The following ZFX variants were observed in gnomAD, a reference collection of about 807,000 sequenced individuals.
The protein encoded by ZFX is zinc finger X-chromosomal protein.
For missense variants in ZFX, 362 were observed against 628.3 expected, an observed-to-expected ratio of 0.58 and a Z score of 4.53; for synonymous variants, 196 against 226.8, an observed-to-expected ratio of 0.86 and a Z score of 1.22.
chrX:24,188,940 C>A (rs1007363926), intron 5 of ZFX, among the ~76,000 whole-genome samples: 33 of 111,210 alleles, frequency 3.0e-4, no homozygotes, highest in Admixed American at 2.1e-3. Context: ...TGGGTTCAAG[C>A]GATTCTACTG....
In ZFX at chrX:24,207,487, T is replaced by G; in HGVS notation, c.796+12T>G. 8.3e-7 allele frequency: 1 copy of G among 1,201,674 alleles called. No individual in the cohort carries two copies. The highest frequency in any genetic ancestry group is 1.1e-6 in the Non-Finnish European group (1 of 892,022). ...AGAAGATGACTTAGGTAAGAAGAAG[T>G]GTTTAGACATTATACATCCTCATCC... is the stretch of plus-strand genomic sequence containing the variant. On this transcript the variant is annotated intron_variant, in intron 6 of 9. Transcript: ENST00000304543.
At chrX:24,177,867 G>A (rs895090748) in intron 4 of ZFX, 2 of 750,033 alleles carry the variant, frequency 2.7e-6, no homozygotes, top group Non-Finnish European at 1.6e-6. Flanking sequence ...GAGCAAAAAG[G>A]TAAAACACAT....
chrX:24,191,118 T>C (rs1936496879), intron 5 of ZFX, among the ~76,000 whole-genome samples: 1 of 111,953 alleles, frequency 8.9e-6, no homozygotes, highest in Non-Finnish European at 1.9e-5. Flanking sequence ...TCCTTTTTTT[T>C]CCTCCTGAAT....
rs1208600696 is a variant in ZFX, at chrX:24,179,506, T to A, written c.382T>A (p.Ser128Thr). The A allele has an allele frequency of 8.3e-7, 1 of 1,211,117 alleles. No individual in the cohort carries two copies. Among genetic ancestry groups the A allele is most frequent in the African/African-American group, 1.7e-5 (1 of 57,478 alleles). Residue 128 changes from serine to threonine, a missense_variant, in exon 5 of 10, where the codon TCT (serine) becomes ACT (threonine). By Grantham distance (58) the Ser-to-Thr change is moderately conservative. Transcript: ENST00000304543. ...TTCTGACATTACTTCAGCCTCAATG[T>A]CTATGCCAGAACACGTCTTGACGGG... ...LASDITSASM[S>T]MPEHVLTGDS...
intron 5 of ZFX, among the ~76,000 whole-genome samples, chrX:24,186,776 C>T (rs1936151015): frequency 9.0e-6 from 1 of 111,691 alleles, no homozygotes; most frequent in African/African-American, 3.3e-5. Flanking sequence ...TGACTGCCTT[C>T]TTCAGTCTTT....
At chrX:24,171,667 T>C (rs1408361567) in intron 3 of ZFX, among the ~76,000 whole-genome samples, 1 of 111,408 alleles carries the variant, frequency 9.0e-6, no homozygotes, top group African/African-American at 3.3e-5. Context: ...TAGAGTTCTT[T>C]TTGTCAGAAG....
chrX:24,174,575 T>C (rs756974389), intron 4 of ZFX, among the ~76,000 whole-genome samples: 88 of 108,931 alleles, frequency 8.1e-4, no homozygotes, highest in Non-Finnish European at 1.4e-3. Context: ...TTTGTATTTT[T>C]AGTAGAACGG....
At chrX:24,174,253 A>G (rs894251288) in intron 4 of ZFX, among the ~76,000 whole-genome samples, 2 of 111,163 alleles carry the variant, frequency 1.8e-5, no homozygotes, top group African/African-American at 3.3e-5. Context: ...AAAGGGTTTT[A>G]TATCACACCA....
intron 3 of ZFX, among the ~76,000 whole-genome samples, chrX:24,160,479 A>C (rs759304881): frequency 4.5e-5 from 5 of 109,892 alleles, no homozygotes; most frequent in African/African-American, 6.6e-5. Flanking sequence ...TTGTATTTTT[A>C]GTAGAGACGG....
At position 24,176,620 on chromosome X, in the gene ZFX, C is replaced by T. The variant is rs1935169518; in HGVS notation, c.59-2563C>T. On this transcript the variant is annotated intron_variant, in intron 4 of 9. Transcript: ENST00000304543. ...TTAATTTTTATATTTTTAGTAGAGA[C>T]GGGGTTTCACAATGTTGGCCAGGCT... 1.1e-4 allele frequency among the ~76,000 whole-genome samples: 12 copies of T among 106,101 alleles called. No individual in the cohort carries two copies. In the South Asian group the frequency reaches 4.2e-3, roughly 37 times the overall value. The allele number at this position is 106,101 out of a possible 115,157, so 92.1% of individuals were successfully genotyped here. A position where few individuals can be genotyped will look rare whatever the true frequency, so the allele number is the denominator to read the frequency against.
intron 5 of ZFX, among the ~76,000 whole-genome samples, chrX:24,194,410 T>TG (rs1434614723): frequency 1.8e-5 from 2 of 111,110 alleles, no homozygotes; most frequent in Non-Finnish European, 3.8e-5. Flanking sequence ...CATGTCCATG[T>TG]GGGTTTCCTC....
At chrX:24,198,162 T>G (rs1430544800) in intron 5 of ZFX, among the ~76,000 whole-genome samples, 1 of 112,281 alleles carries the variant, frequency 8.9e-6, no homozygotes, top group Non-Finnish European at 1.9e-5. Flanking sequence ...AAAACTTATT[T>G]GTGTATTATA....
At chrX:24,177,529 T>C (rs1003510702) in intron 4 of ZFX, among the ~76,000 whole-genome samples, 1 of 111,494 alleles carries the variant, frequency 9.0e-6, no homozygotes, top group Admixed American at 9.6e-5. Context: ...GGGCAGCTCC[T>C]GCTCCAACTA....
chrX:24,186,082 G>A (rs995989829), intron 5 of ZFX, among the ~76,000 whole-genome samples: 11 of 111,168 alleles, frequency 9.9e-5, no homozygotes, highest in Non-Finnish European at 1.3e-4. Context: ...TACCATTATC[G>A]GTAGTCAACT....
chrX:24,167,840 C>G (rs769371648), intron 3 of ZFX, among the ~76,000 whole-genome samples: 6 of 111,859 alleles, frequency 5.4e-5, no homozygotes, highest in African/African-American at 1.9e-4. Flanking sequence ...ATAGAAACAA[C>G]AAGAAACTTT....
intron 5 of ZFX, among the ~76,000 whole-genome samples, chrX:24,187,653 A>G (rs1360155184): frequency 9.0e-6 from 1 of 111,629 alleles, no homozygotes; most frequent in Admixed American, 9.6e-5. Flanking sequence ...TATATACGCT[A>G]TCACTTTTAC....
At chrX:24,179,888 A>G (rs1935518652) in intron 5 of ZFX, 118 bp downstream of exon 5, 6 of 661,398 alleles carry the variant, frequency 9.1e-6, no homozygotes, top group East Asian at 6.6e-5. Context: ...TCATAGACCT[A>G]CCTGCATTGT....
At chrX:24,176,481 G>A (rs1473746788) in intron 4 of ZFX, among the ~76,000 whole-genome samples, 1 of 85,630 alleles carries the variant, frequency 1.2e-5, no homozygotes, top group African/African-American at 4.8e-5. Flanking sequence ...CGCCCAGGCT[G>A]GAGTGCAGTG....
At chrX:24,181,413 A>G (rs1475204914) in intron 5 of ZFX, among the ~76,000 whole-genome samples, 1 of 111,788 alleles carries the variant, frequency 8.9e-6, no homozygotes, top group Non-Finnish European at 1.9e-5. Context: ...ACTGCCATGG[A>G]GATGGGATGG....
Sources: gnomAD v4.1 joint callset for allele counts (sites outside exome capture counted in the v4.1 genomes callset) on GRCh38, gnomAD v4.1.1 for gene constraint, MANE v1.5 for transcripts, NCBI Gene and HGNC (gene_info 2026-07-23, HGNC 2026-07-21) for gene names.